The following CREBBP variants were observed in gnomAD, a reference collection of about 807,000 sequenced individuals.
CREBBP encodes the protein CREB binding lysine acetyltransferase.
In CREBBP, 19 loss-of-function variants were observed where a neutral mutation model predicts 265.0. The observed-to-expected ratio is 0.07, with a 90% confidence interval of 0.05 to 0.11. The LOEUF (loss-of-function observed/expected upper bound fraction) is 0.11. Ranked by LOEUF, CREBBP falls within the 10% of genes least tolerant of loss-of-function variation. The pLI is 1.00. For missense variants in CREBBP, 2,525 were observed against 3,219.0 expected (o/e 0.78, Z 5.22); for synonymous variants, 1,457 against 1,223.7 (o/e 1.19, Z -3.98).
chr16:3,858,098 C>A (rs1369142126), intron 1 of CREBBP, among the ~76,000 whole-genome samples: 1 of 152,182 alleles, frequency 6.6e-6, no homozygotes, highest in Non-Finnish European at 1.5e-5. Flanking sequence ...CTCCTAAACA[C>A]TGAAAGACAA....
At chr16:3,847,086 G>C (rs565459951) in intron 2 of CREBBP, among the ~76,000 whole-genome samples, 1 of 152,230 alleles carries the variant, frequency 6.6e-6, no homozygotes, top group South Asian at 2.1e-4. Context: ...CATCCTCAGA[G>C]GATGAGATCA....
intron 23 of CREBBP, 130 bp from the exon 24 acceptor site, chr16:3,740,679 G>C: frequency 9.2e-7 from 1 of 1,081,890 alleles, no homozygotes; most frequent in Non-Finnish European, 1.4e-6. Flanking sequence ...TCCAAACACG[G>C]AAGAAATCTA....
intron 1 of CREBBP, among the ~76,000 whole-genome samples, chr16:3,873,290 C>T (rs1453829581): frequency 6.6e-6 from 1 of 152,170 alleles, no homozygotes; most frequent in Non-Finnish European, 1.5e-5. Context: ...AGAACACACA[C>T]CATTTAAGTT....
At position 3,794,310 on chromosome 16, in the gene CREBBP, C is replaced by T. The variant is rs145467302; in HGVS notation, c.976-684G>A. Among the ~76,000 whole-genome samples, 1,011 of 106,926 alleles carry T rather than the reference C, an allele frequency of 9.5e-3. 12 individuals are homozygous for T. The highest frequency in any genetic ancestry group is 0.034 in the African/African-American group (946 of 28,180). The allele number at this position is 106,926 out of a possible 152,430, so 70.1% of individuals were successfully genotyped here. ...TGGCGCCACCGCACTCCAGCCTGGG[C>T]GACAGATCGAGACTCCGTCTCAAAA... On this transcript the variant is annotated intron_variant, in intron 3 of 30. Transcript: ENST00000262367.
intron 1 of CREBBP, among the ~76,000 whole-genome samples, chr16:3,871,093 A>G (rs1197680039): frequency 1.3e-5 from 2 of 151,876 alleles, no homozygotes; most frequent in African/African-American, 2.4e-5. Context: ...AGAAAGAAAG[A>G]AAGAAAAAAG....
intron 19 of CREBBP, among the ~76,000 whole-genome samples, chr16:3,754,216 G>A (rs1257569299): frequency 1.3e-5 from 2 of 152,170 alleles, no homozygotes; most frequent in Non-Finnish European, 2.9e-5. Flanking sequence ...GGAGGAAGAG[G>A]GGCCCGTGGC....
At chr16:3,831,992 G>A (rs1277159245) in intron 2 of CREBBP, among the ~76,000 whole-genome samples, 1 of 150,912 alleles carries the variant, frequency 6.6e-6, no homozygotes, top group Non-Finnish European at 1.5e-5. Flanking sequence ...GTGAGACTCT[G>A]ACTCAGTTAA....
intron 5 of CREBBP, among the ~76,000 whole-genome samples, chr16:3,786,940 G>C (rs936347982): frequency 3.3e-5 from 5 of 152,114 alleles, no homozygotes; most frequent in African/African-American, 1.2e-4. Context: ...AGGCATGGTG[G>C]CATGTGCCTG....
At position 3,849,209 on chromosome 16, in the gene CREBBP, G is replaced by A. The variant is rs1036222725; in HGVS notation, c.798+1088C>T. Among the ~76,000 whole-genome samples, 7 of 76,484 alleles carry A rather than the reference G, an allele frequency of 9.2e-5. No homozygotes were observed. The South Asian group carries it at 2.4e-3, about 26-fold the overall frequency. The allele number at this position is 76,484 out of a possible 152,430, so 50.2% of individuals were successfully genotyped here. A position where few individuals can be genotyped will look rare whatever the true frequency, so the allele number is the denominator to read the frequency against. On this transcript the variant is annotated intron_variant, in intron 2 of 30. Transcript: ENST00000262367. The stretch of plus-strand genomic sequence containing the variant: ...TTTGTCACTTCAGTGGGAATAGGCT[G>A]CCCTTCCTTCTCTGTGCTCCTGTCA...
At chr16:3,746,852 G>A (rs2052354433) in intron 21 of CREBBP, among the ~76,000 whole-genome samples, 1 of 152,156 alleles carries the variant, frequency 6.6e-6, no homozygotes, top group East Asian at 1.9e-4. Context: ...GGCTGAGCTG[G>A]GAGGACTGCT....
rs2052899131 is a variant in CREBBP, at chr16:3,767,965, AACCT to A, written c.3061-60_3061-57del. On this transcript the variant is annotated intron_variant, in intron 15 of 30. Transcript: ENST00000262367. ...ATATCAAACACCTTTATGTTACCGC[AACCT>A]CACGGGAAGACTCTTACAAGCCTAA... 10 of 1,540,060 alleles carry A rather than the reference AACCT, an allele frequency of 6.5e-6. No homozygotes were observed. The East Asian group carries it at 2.2e-4, about 35-fold the overall frequency.
intron 23 of CREBBP, chr16:3,741,960 G>C (rs897981841): frequency 1.6e-4 from 25 of 152,060 alleles, no homozygotes; most frequent in African/African-American, 5.5e-4. Context: ...GGCGCCTGTA[G>C]TCCCAGCTAC....
At chr16:3,861,371 C>CA in intron 1 of CREBBP, among the ~76,000 whole-genome samples, 1 of 152,218 alleles carries the variant, frequency 6.6e-6, no homozygotes, top group East Asian at 1.9e-4. Context: ...CTGAGCTTGG[C>CA]ATGCAGTAAG....
intron 3 of CREBBP, among the ~76,000 whole-genome samples, chr16:3,796,559 G>A (rs1038232232): frequency 1.3e-5 from 2 of 151,880 alleles, no homozygotes; most frequent in African/African-American, 4.8e-5. Context: ...GCTACTTTTT[G>A]TATTTTTAGT....
rs1338113920 is a variant in CREBBP at position 3,818,159 on chromosome 16, G to T, written c.799-7380C>A. 2.0e-5 allele frequency among the ~76,000 whole-genome samples: 3 copies of T among 152,168 alleles called. No individual in the cohort carries two copies. In the East Asian group the frequency reaches 5.8e-4, roughly 29 times the overall value. On this transcript the variant is annotated intron_variant, in intron 2 of 30. Transcript: ENST00000262367. The stretch of plus-strand genomic sequence containing the variant: ...TAACCACTTATGAGTATGCACCTGA[G>T]GGGGCCACCATGTGACCAATGGGGG...
At chr16:3,862,398 C>T (rs1440577024) in intron 1 of CREBBP, among the ~76,000 whole-genome samples, 2 of 152,050 alleles carry the variant, frequency 1.3e-5, no homozygotes, top group Non-Finnish European at 2.9e-5. Context: ...GGCCTCACTA[C>T]GGTAGGCAGG....
At chr16:3,849,443 GTGTGTGTGTGTGTGTGTGT>G (rs2054765733) in intron 2 of CREBBP, among the ~76,000 whole-genome samples, 2 of 20,066 alleles carry the variant, frequency 1.0e-4, no homozygotes, top group East Asian at 3.3e-3. Context: ...GTGTGTGTGT[GTGTGTGTGTGTGTGTGTGT>G]GTGTGTGTGT....
chr16:3,792,031 C>T lies in CREBBP; in HGVS notation c.1280G>A (p.Cys427Tyr), dbSNP rs1255460442. The change falls in exon 5 of 31, where the codon TGT becomes TAT. Residue 427 changes from cysteine (C) to tyrosine (Y), a missense_variant. Physicochemically the swap from Cys to Tyr is radical, Grantham distance 194. Coordinates refer to ENST00000262367, the MANE Select transcript of CREBBP (RefSeq NM_004380.3). ...ATTTTTCAAAGGGAGGCAAACAGGA[C>T]AGTCATGTCGTGTGCAGTTCTTCCA... ...SHWKNCTRHD[C>Y]PVCLPLKNAS... 1 of 1,614,106 alleles carries T rather than the reference C, an allele frequency of 6.2e-7. No homozygotes were observed. Among genetic ancestry groups the T allele is most frequent in the Non-Finnish European group, 8.5e-7 (1 of 1,180,046 alleles).
intron 19 of CREBBP, among the ~76,000 whole-genome samples, chr16:3,754,610 T>G (rs1401760815): frequency 1.3e-5 from 2 of 152,214 alleles, no homozygotes; most frequent in East Asian, 3.8e-4. Flanking sequence ...AAATGCAGAT[T>G]GTTTTAAGTA....
Sources: allele counts gnomAD v4.1 joint callset (sites outside exome capture counted in the v4.1 genomes callset), GRCh38; gene constraint gnomAD v4.1.1; transcripts MANE v1.5; gene names NCBI Gene and HGNC (gene_info 2026-07-23, HGNC 2026-07-21).